Variants in SNTG2 observed in about 807,000 individuals in gnomAD.
The protein encoded by SNTG2 is gamma-2-syntrophin.
In SNTG2, 74 loss-of-function variants were observed where a neutral mutation model predicts 70.9. The observed-to-expected ratio is 1.04, with a 90% CI of 0.86 to 1.27. The LOEUF (loss-of-function observed/expected upper bound fraction) is 1.27. SNTG2 is among the 50% of genes most tolerant of loss of function. The pLI, the probability that SNTG2 is intolerant of heterozygous loss-of-function variation, is 0.00. For synonymous variants in SNTG2, 278 were observed against 273.8 expected, an observed-to-expected ratio of 1.02 and a Z score of -0.15; for missense variants, 717 against 690.7, an observed-to-expected ratio of 1.04 and a Z score of -0.43.
In SNTG2 at chr2:1,193,571, G is replaced by C. The variant is rs571978563; in HGVS notation, c.592-15532G>C. On this transcript the variant is annotated intron_variant, in intron 8 of 16. Coordinates refer to ENST00000308624, the MANE Select transcript of SNTG2 (RefSeq NM_018968.4). ...GGCCACAGTGATGCACCTGCCACAGGATTGCAGAATATATCTCCCCTGAAT... is the reference window on the plus strand; with the variant it reads ...GGCCACAGTGATGCACCTGCCACAGCATTGCAGAATATATCTCCCCTGAAT... Among the ~76,000 whole-genome samples the C allele has an allele frequency of 3.3e-5, 5 of 151,900 alleles. No homozygotes were observed. In the South Asian group the frequency reaches 1.0e-3, roughly 32 times the overall value.
chr2:1,025,931 A>G (rs559250898), intron 1 of SNTG2, among the ~76,000 whole-genome samples: 36 of 152,318 alleles, frequency 2.4e-4, no homozygotes, highest in Admixed American at 4.6e-4. Flanking sequence ...GAGATTTGAA[A>G]ATTTGGGCTC....
At chr2:1,308,912 T>C (rs1680841210) in intron 15 of SNTG2, among the ~76,000 whole-genome samples, 1 of 152,168 alleles carries the variant, frequency 6.6e-6, no homozygotes, top group Non-Finnish European at 1.5e-5. Context: ...GCCTTCCATC[T>C]GAACATTCGT....
rs1393825498 is a variant in SNTG2, at chr2:1,317,254, T to G, written c.1488+879T>G. 7.8e-5 allele frequency among the ~76,000 whole-genome samples: 7 copies of G among 89,596 alleles called. 1 individual carries two copies. Among genetic ancestry groups the G allele is most frequent in the African/African-American group, 3.1e-4 (7 of 22,566 alleles). 58.8% of individuals were successfully genotyped at this position (89,596 alleles called of 152,430 possible). ...GGCCAGCATTGGAGAAGGTTGGGATTCTGGAGCATTTAGCATCAGGGCAGC... is the reference window on the plus strand; with the variant it reads ...GGCCAGCATTGGAGAAGGTTGGGATGCTGGAGCATTTAGCATCAGGGCAGC... On this transcript the variant is annotated intron_variant, in intron 16 of 16. Transcript: ENST00000308624.
At chr2:1,248,649 C>T (rs1677577143) in intron 12 of SNTG2, among the ~76,000 whole-genome samples, 1 of 152,136 alleles carries the variant, frequency 6.6e-6, no homozygotes, top group Non-Finnish European at 1.5e-5. Flanking sequence ...ATTGGCTGGG[C>T]TGATTTTGTT....
intron 7 of SNTG2, among the ~76,000 whole-genome samples, chr2:1,168,442 T>C (rs1670900191): frequency 6.6e-6 from 1 of 152,204 alleles, no homozygotes; most frequent in Non-Finnish European, 1.5e-5. Flanking sequence ...GGCCCATCTC[T>C]ATGGCACCCC....
intron 6 of SNTG2, among the ~76,000 whole-genome samples, chr2:1,142,904 A>G (rs947255330): frequency 6.6e-6 from 1 of 152,200 alleles, no homozygotes. Flanking sequence ...AATTCTTTAG[A>G]TATGCATGGG....
At chr2:1,058,276 T>C (rs536994987) in intron 1 of SNTG2, among the ~76,000 whole-genome samples, 35 of 152,328 alleles carry the variant, frequency 2.3e-4, no homozygotes, top group African/African-American at 7.9e-4. Context: ...CTCTGTCTTG[T>C]CTCTGACCTT....
chr2:1,078,845 G>T (rs574217732), intron 1 of SNTG2, among the ~76,000 whole-genome samples: 1 of 152,122 alleles, frequency 6.6e-6, no homozygotes, highest in Non-Finnish European at 1.5e-5. Flanking sequence ...GTTGGACACT[G>T]AGGGTCAGGA....
At chr2:1,136,382 C>A (rs569304717) in intron 4 of SNTG2, among the ~76,000 whole-genome samples, 4 of 151,228 alleles carry the variant, frequency 2.6e-5, no homozygotes, top group Admixed American at 2.6e-4. Flanking sequence ...CACAGGGAGA[C>A]GGCGCAGGGG....
intron 4 of SNTG2, among the ~76,000 whole-genome samples, chr2:1,101,658 T>C (rs1200135842): frequency 6.6e-6 from 1 of 152,146 alleles, no homozygotes; most frequent in African/African-American, 2.4e-5. Flanking sequence ...GAGCATACCC[T>C]CTACCCCACG....
At chr2:1,035,481 A>G (rs1661079412) in intron 1 of SNTG2, among the ~76,000 whole-genome samples, 2 of 152,222 alleles carry the variant, frequency 1.3e-5, no homozygotes, top group African/African-American at 2.4e-5. Context: ...CATTTGTTCT[A>G]TCAAGAGATG....
chr2:1,265,246 C>A (rs1288799502), intron 13 of SNTG2, among the ~76,000 whole-genome samples: 1 of 152,230 alleles, frequency 6.6e-6, no homozygotes, highest in Non-Finnish European at 1.5e-5. Flanking sequence ...GGTATCCCAG[C>A]TGAAGGAGAC....
At chr2:1,135,354 T>TA (rs1668310355) in intron 4 of SNTG2, among the ~76,000 whole-genome samples, 2 of 152,124 alleles carry the variant, frequency 1.3e-5, no homozygotes, top group African/African-American at 4.8e-5. Context: ...GTCAGATGCG[T>TA]CTTCATTGAC....
At chr2:1,273,435 A>G (rs1272933641) in intron 14 of SNTG2, among the ~76,000 whole-genome samples, 2 of 152,158 alleles carry the variant, frequency 1.3e-5, no homozygotes, top group South Asian at 2.1e-4. Context: ...AAGCAAATCA[A>G]GGTGGCTCTG....
chr2:1,023,891 A>G (rs1660334590), intron 1 of SNTG2, among the ~76,000 whole-genome samples: 1 of 152,230 alleles, frequency 6.6e-6, no homozygotes. Context: ...AAGACAGCAC[A>G]CCTGAAAGCT....
chr2:1,305,205 A>G (rs1199659844), intron 14 of SNTG2, among the ~76,000 whole-genome samples: 1 of 152,216 alleles, frequency 6.6e-6, no homozygotes, highest in Non-Finnish European at 1.5e-5. Flanking sequence ...TCATCAGTAG[A>G]TCAAATGTTA....
At chr2:1,060,569 T>C (rs1014430556) in intron 1 of SNTG2, among the ~76,000 whole-genome samples, 1 of 152,192 alleles carries the variant, frequency 6.6e-6, no homozygotes, top group Non-Finnish European at 1.5e-5. Context: ...GTGTTAAGTA[T>C]AAGGTTCATC....
At chr2:1,217,345 T>C (rs1674461200) in intron 9 of SNTG2, among the ~76,000 whole-genome samples, 1 of 152,228 alleles carries the variant, frequency 6.6e-6, no homozygotes, top group Non-Finnish European at 1.5e-5. Flanking sequence ...ATGGGAACTA[T>C]GCGTTTGGAT....
At chr2:967,488 T>C (rs1660604971) in intron 1 of SNTG2, among the ~76,000 whole-genome samples, 1 of 152,220 alleles carries the variant, frequency 6.6e-6, no homozygotes, top group African/African-American at 2.4e-5. Flanking sequence ...ATTTTTAGTC[T>C]GTTTTTATGG....
Sources: gnomAD v4.1 joint callset for allele counts (sites outside exome capture counted in the v4.1 genomes callset) on GRCh38, gnomAD v4.1.1 for gene constraint, MANE v1.5 for transcripts, NCBI Gene and HGNC (gene_info 2026-07-23, HGNC 2026-07-21) for gene names.